The following CDYL2 variants were observed in gnomAD, a reference collection of about 807,000 sequenced individuals.
The protein encoded by CDYL2 is chromodomain Y-like protein 2.
A neutral mutation model predicts 49.4 loss-of-function variants in CDYL2; 23 were observed. The observed-to-expected ratio is 0.47, with a 90% CI of 0.34 to 0.66. The LOEUF is 0.66. Among genes scored for constraint, CDYL2 ranks in the 30% least tolerant of loss-of-function variants. The pLI is 0.01. For synonymous variants in CDYL2, 360 were observed against 268.8 expected (o/e 1.34, Z -3.32); for missense variants, 678 against 656.4 (o/e 1.03, Z -0.36).
chr16:80,649,931 G>C (rs1291885818), intron 2 of CDYL2, among the ~76,000 whole-genome samples: 2 of 149,044 alleles, frequency 1.3e-5, no homozygotes, highest in Non-Finnish European at 2.9e-5. Context: ...AATGAAACTA[G>C]GCCCCTATCC....
chr16:80,626,890 T>C (rs949665255), intron 3 of CDYL2, among the ~76,000 whole-genome samples: 2 of 152,332 alleles, frequency 1.3e-5, no homozygotes, highest in African/African-American at 4.8e-5. Flanking sequence ...AGGTAGGAGA[T>C]GGTATCTCAA....
chr16:80,665,900 T>G (rs1474839605), intron 2 of CDYL2, among the ~76,000 whole-genome samples: 2 of 152,222 alleles, frequency 1.3e-5, no homozygotes, highest in Admixed American at 6.5e-5. Flanking sequence ...GGGCTGTCCC[T>G]CTTGATTTCG....
At chr16:80,621,496 C>G (rs893719022) in intron 3 of CDYL2, among the ~76,000 whole-genome samples, 3 of 152,246 alleles carry the variant, frequency 2.0e-5, no homozygotes, top group African/African-American at 7.2e-5. Context: ...CAAATTCTGG[C>G]TCTGCACCTT....
At chr16:80,666,416 G>A (rs928452899) in intron 2 of CDYL2, among the ~76,000 whole-genome samples, 4 of 152,158 alleles carry the variant, frequency 2.6e-5, no homozygotes, top group East Asian at 1.9e-4. Flanking sequence ...AAAGAACTGC[G>A]CAAAATACAG....
At chr16:80,665,505 TAAAAAA>T (rs35248259) in intron 2 of CDYL2, among the ~76,000 whole-genome samples, 4,053 of 121,644 alleles carry the variant, frequency 0.033, 61 homozygotes, top group Non-Finnish European at 0.036. Context: ...TTTTTGCCAT[TAAAAAA>T]AAAAAAAAAA....
At chr16:80,751,467 T>C (rs1208670455) in intron 1 of CDYL2, among the ~76,000 whole-genome samples, 1 of 152,188 alleles carries the variant, frequency 6.6e-6, no homozygotes, top group Admixed American at 6.5e-5. Flanking sequence ...AAGCAGCACG[T>C]GGCAGCTAAG....
At chr16:80,751,420 A>G (rs1906133218) in intron 1 of CDYL2, among the ~76,000 whole-genome samples, 1 of 152,202 alleles carries the variant, frequency 6.6e-6, no homozygotes, top group African/African-American at 2.4e-5. Flanking sequence ...ATAGGGGTAG[A>G]TGCTGAAAAG....
At chr16:80,789,318 C>T (rs754325598) in intron 1 of CDYL2, among the ~76,000 whole-genome samples, 7 of 152,068 alleles carry the variant, frequency 4.6e-5, no homozygotes, top group Non-Finnish European at 7.4e-5. Flanking sequence ...GAGACACCTG[C>T]GGGGCCAGGT....
At chr16:80,620,243 G>A (rs1392180597) in intron 4 of CDYL2, among the ~76,000 whole-genome samples, 6 of 152,194 alleles carry the variant, frequency 3.9e-5, no homozygotes, top group African/African-American at 1.4e-4. Flanking sequence ...CCCAACTTTT[G>A]CCCAGGGGCA....
Position 80,713,949 on chromosome 16 carries a change from G to A in CDYL2, c.25-28820C>T, listed in dbSNP as rs1232470278. 2.0e-5 allele frequency among the ~76,000 whole-genome samples: 3 copies of A among 152,250 alleles called. No homozygotes were observed. In the East Asian group the frequency reaches 5.8e-4, roughly 29 times the overall value. On this transcript the variant is annotated intron_variant, in intron 1 of 6. Transcript: ENST00000570137. ...TCAAACAGCAGATGTCAGAATGAAT[G>A]TGCTTCCAGACGGGTCAGCTGCCAG...
At chr16:80,742,260 T>C (rs115851119) in intron 1 of CDYL2, 2 of 152,340 alleles carry the variant, frequency 1.3e-5, no homozygotes, top group African/African-American at 4.8e-5. Context: ...ACTTTAACAC[T>C]ACCTAATGTC....
At chr16:80,762,107 G>A (rs1906552876) in intron 1 of CDYL2, among the ~76,000 whole-genome samples, 1 of 151,992 alleles carries the variant, frequency 6.6e-6, no homozygotes, top group Non-Finnish European at 1.5e-5. Flanking sequence ...GATCACTTGA[G>A]CCCAGGAAGT....
intron 1 of CDYL2, among the ~76,000 whole-genome samples, chr16:80,785,544 A>G (rs1056830756): frequency 4.6e-5 from 7 of 152,210 alleles, no homozygotes; most frequent in Non-Finnish European, 8.8e-5. Context: ...TGCCCGAAGT[A>G]ATTTATAGAT....
At chr16:80,630,462 A>T (rs1043570981) in intron 3 of CDYL2, among the ~76,000 whole-genome samples, 2 of 152,224 alleles carry the variant, frequency 1.3e-5, no homozygotes, top group African/African-American at 4.8e-5. Context: ...AAAGTAGTGA[A>T]GTAGAAAGAA....
chr16:80,751,728 G>A lies in CDYL2; in HGVS notation c.24+52422C>T, dbSNP rs180860223. On this transcript the variant is annotated intron_variant, in intron 1 of 6. Coordinates refer to ENST00000570137, the MANE Select transcript of CDYL2 (RefSeq NM_152342.4). ...AGAAGGTTCAAAGTGCTGAGGAAATGAATTTTGGAACTCAGGACCTGCCCA... is the reference window on the plus strand; with the variant it reads ...AGAAGGTTCAAAGTGCTGAGGAAATAAATTTTGGAACTCAGGACCTGCCCA... Among the ~76,000 whole-genome samples, 171 of 152,352 alleles carry A rather than the reference G, an allele frequency of 1.1e-3. 1 individual carries two copies. Among genetic ancestry groups the A allele is most frequent in the African/African-American group, 3.7e-3 (154 of 41,582 alleles).
intron 1 of CDYL2, among the ~76,000 whole-genome samples, chr16:80,793,491 C>G (rs929198602): frequency 6.6e-6 from 1 of 152,172 alleles, no homozygotes. Context: ...AGGAAGCACT[C>G]AATGAAGTTC....
At chr16:80,788,063 A>T (rs997246544) in intron 1 of CDYL2, among the ~76,000 whole-genome samples, 6 of 152,200 alleles carry the variant, frequency 3.9e-5, no homozygotes, top group African/African-American at 1.4e-4. Flanking sequence ...ACCGTGAAGG[A>T]ATGCAAGCAC....
chr16:80,738,955 G>A (rs565078657), intron 1 of CDYL2, among the ~76,000 whole-genome samples: 1 of 152,308 alleles, frequency 6.6e-6, no homozygotes, highest in African/African-American at 2.4e-5. Context: ...GTCTTCAGCT[G>A]TAAAAGATCA....
At chr16:80,678,817 GT>G (rs1909858076) in intron 2 of CDYL2, among the ~76,000 whole-genome samples, 1 of 151,246 alleles carries the variant, frequency 6.6e-6, no homozygotes, top group Non-Finnish European at 1.5e-5. Flanking sequence ...GCACACGTAT[GT>G]TTATTGCGGC....
Sources: allele counts gnomAD v4.1 joint callset (sites outside exome capture counted in the v4.1 genomes callset), GRCh38; gene constraint gnomAD v4.1.1; transcripts MANE v1.5; gene names NCBI Gene and HGNC (gene_info 2026-07-23, HGNC 2026-07-21).